Variants in LHFPL3 observed in about 807,000 individuals in gnomAD.
The protein encoded by LHFPL3 is LHFPL tetraspan subfamily member 3.
A neutral mutation model predicts 19.3 loss-of-function variants in LHFPL3; 5 were observed. That is an observed-to-expected ratio of 0.26 (90% CI 0.14 to 0.54). The LOEUF is 0.54. Ranked by LOEUF, LHFPL3 falls within the 20% of genes least tolerant of loss-of-function variation. The probability of loss-of-function intolerance (pLI) is 0.94; values close to 1 mark genes in which losing one functional copy is unlikely to be tolerated. For missense variants in LHFPL3, 249 were observed against 307.4 expected, an observed-to-expected ratio of 0.81 and a Z score of 1.42; for synonymous variants, 133 against 126.2, an observed-to-expected ratio of 1.05 and a Z score of -0.36.
chr7:104,430,383 CATATATATATATAT>C (rs1176189742), intron 1 of LHFPL3, among the ~76,000 whole-genome samples: 2 of 39,702 alleles, frequency 5.0e-5, no homozygotes, highest in Non-Finnish European at 8.0e-5. Context: ...TATATATATA[CATATATATATATAT>C]ATATATACAT....
intron 1 of LHFPL3, among the ~76,000 whole-genome samples, chr7:104,616,372 A>G (rs980405283): frequency 6.6e-6 from 1 of 152,214 alleles, no homozygotes; most frequent in African/African-American, 2.4e-5. Context: ...AACCTGACAA[A>G]AACAAGAAAT....
At chr7:104,532,316 G>GTTT (rs1562927584) in intron 1 of LHFPL3, among the ~76,000 whole-genome samples, 2 of 63,310 alleles carry the variant, frequency 3.2e-5, no homozygotes, top group African/African-American at 5.4e-5. Context: ...TTTTCTTTCT[G>GTTT]TCTTTTTTTT....
intron 1 of LHFPL3, among the ~76,000 whole-genome samples, chr7:104,361,535 G>A (rs1790391212): frequency 6.6e-6 from 1 of 152,180 alleles, no homozygotes; most frequent in South Asian, 2.1e-4. Flanking sequence ...GTAAATAGCA[G>A]CCTTTGGCCC....
chr7:104,571,201 T>G lies in LHFPL3; in HGVS notation c.446-165474T>G, dbSNP rs368397570. On this transcript the variant is annotated intron_variant, in intron 1 of 2. Coordinates refer to ENST00000424859, the MANE Select transcript of LHFPL3 (RefSeq NM_199000.3). ...TAATGTTAGTAATTCATACTTCTCATTTTTACATGATGCCCTGAAGTATCT... is the reference window on the plus strand; with the variant it reads ...TAATGTTAGTAATTCATACTTCTCAGTTTTACATGATGCCCTGAAGTATCT... 3.8e-4 allele frequency among the ~76,000 whole-genome samples: 58 copies of G among 152,230 alleles called. 1 individual carries two copies. The highest frequency in any genetic ancestry group is 1.3e-3 in the African/African-American group (55 of 41,458).
intron 1 of LHFPL3, among the ~76,000 whole-genome samples, chr7:104,596,343 T>C (rs1178590271): frequency 6.6e-6 from 1 of 152,224 alleles, no homozygotes; most frequent in Non-Finnish European, 1.5e-5. Context: ...AGAGAATTTA[T>C]TTGTTGAGAC....
intron 2 of LHFPL3, among the ~76,000 whole-genome samples, chr7:104,861,961 G>A (rs1791626500): frequency 1.3e-5 from 2 of 152,150 alleles, no homozygotes; most frequent in Admixed American, 1.3e-4. Context: ...TCGTGGTAGG[G>A]CTGGGCTGCC....
chr7:104,611,076 G>A (rs1004969459), intron 1 of LHFPL3, among the ~76,000 whole-genome samples: 1 of 152,172 alleles, frequency 6.6e-6, no homozygotes, highest in Admixed American at 6.5e-5. Flanking sequence ...TCAGATGTTT[G>A]AACCAGGAAA....
chr7:104,690,535 A>G (rs1034268418), intron 1 of LHFPL3, among the ~76,000 whole-genome samples: 1 of 152,186 alleles, frequency 6.6e-6, no homozygotes, highest in African/African-American at 2.4e-5. Flanking sequence ...AGTAGCAAAC[A>G]CTCTGGACTT....
chr7:104,670,305 A>G (rs1219901684), intron 1 of LHFPL3, among the ~76,000 whole-genome samples: 3 of 152,074 alleles, frequency 2.0e-5, no homozygotes, highest in Non-Finnish European at 4.4e-5. Flanking sequence ...AAATTGTGTG[A>G]CCTCCAGCAA....
At chr7:104,814,196 C>G (rs1368361536) in intron 2 of LHFPL3, among the ~76,000 whole-genome samples, 1 of 152,002 alleles carries the variant, frequency 6.6e-6, no homozygotes, top group African/African-American at 2.4e-5. Context: ...GTCATCCCAA[C>G]AAGTGTTCAG....
At chr7:104,401,325 C>G (rs1791308198) in intron 1 of LHFPL3, among the ~76,000 whole-genome samples, 1 of 152,144 alleles carries the variant, frequency 6.6e-6, no homozygotes. Flanking sequence ...TTTTTAAAGG[C>G]TATAGCTGAC....
chr7:104,810,890 C>G (rs1790452231), intron 2 of LHFPL3, among the ~76,000 whole-genome samples: 1 of 152,196 alleles, frequency 6.6e-6, no homozygotes, highest in Non-Finnish European at 1.5e-5. Flanking sequence ...TTTTTTATCA[C>G]TCTATGGTGT....
At chr7:104,526,580 ACCTCTT>A (rs1480347440) in intron 1 of LHFPL3, among the ~76,000 whole-genome samples, 1 of 152,194 alleles carries the variant, frequency 6.6e-6, no homozygotes, top group Non-Finnish European at 1.5e-5. Context: ...GCTGTGACAT[ACCTCTT>A]AGTGACATTA....
chr7:104,436,954 G>A (rs757838058), intron 1 of LHFPL3, among the ~76,000 whole-genome samples: 26 of 152,218 alleles, frequency 1.7e-4, no homozygotes, highest in Non-Finnish European at 2.8e-4. Flanking sequence ...AGAGAAAAAT[G>A]GAAATATCTC....
At chr7:104,779,341 A>G (rs1297503480) in intron 2 of LHFPL3, among the ~76,000 whole-genome samples, 2 of 152,206 alleles carry the variant, frequency 1.3e-5, no homozygotes, top group African/African-American at 4.8e-5. Context: ...ACTAGACTTC[A>G]AGCTCCTGAG....
chr7:104,871,438 A>G (rs991985068), intron 2 of LHFPL3, among the ~76,000 whole-genome samples: 26 of 152,310 alleles, frequency 1.7e-4, no homozygotes, highest in Non-Finnish European at 2.9e-4. Context: ...AATGAATGTG[A>G]AGGCCTAGGA....
intron 1 of LHFPL3, among the ~76,000 whole-genome samples, chr7:104,363,377 T>C (rs756061950): frequency 6.6e-6 from 1 of 152,230 alleles, no homozygotes; most frequent in Non-Finnish European, 1.5e-5. Flanking sequence ...TGGTTTCTGA[T>C]TTGTAATGTT....
intron 2 of LHFPL3, among the ~76,000 whole-genome samples, chr7:104,869,096 A>C (rs1431784093): frequency 2.0e-5 from 3 of 152,176 alleles, no homozygotes; most frequent in South Asian, 2.1e-4. Flanking sequence ...TAAAGACTTA[A>C]ATGTTAGACC....
rs149247225 is a variant in LHFPL3, at chr7:104,794,850, G to A, written c.682+57939G>A. ...TGGAGGGAATTTGCTGTTCTAATAG[G>A]AGAAATTACTGCAACCTCCTTTGGA... On this transcript the variant is annotated intron_variant, in intron 2 of 2. Coordinates refer to ENST00000424859, the MANE Select transcript of LHFPL3 (RefSeq NM_199000.3). Among the ~76,000 whole-genome samples the A allele has an allele frequency of 2.5e-4, 38 of 152,280 alleles. No homozygotes were observed. In the East Asian group the frequency reaches 4.4e-3, roughly 18 times the overall value.
Sources: allele counts gnomAD v4.1 joint callset (sites outside exome capture counted in the v4.1 genomes callset), GRCh38; gene constraint gnomAD v4.1.1; transcripts MANE v1.5; gene names NCBI Gene and HGNC (gene_info 2026-07-23, HGNC 2026-07-21).